PPP3CB: variants seen among roughly 807,000 people sequenced by gnomAD.
PPP3CB encodes serine/threonine-protein phosphatase 2B catalytic subunit beta isoform.
Under a neutral mutation model 66.4 loss-of-function variants are expected in PPP3CB, and 8 were observed. The observed-to-expected ratio is 0.12, with a 90% CI of 0.07 to 0.22. The LOEUF is 0.22. PPP3CB is among the 10% of genes least tolerant of loss of function. The probability of loss-of-function intolerance (pLI) is 1.00; values close to 1 mark genes in which losing one functional copy is unlikely to be tolerated. For missense variants in PPP3CB, 319 were observed against 642.5 expected (o/e 0.50, Z 5.44); for synonymous variants, 208 against 221.2 (o/e 0.94, Z 0.53).
chr10:73,483,640 G>A (rs2056920537), intron 1 of PPP3CB, among the ~76,000 whole-genome samples: 1 of 152,142 alleles, frequency 6.6e-6, no homozygotes, highest in East Asian at 1.9e-4. Flanking sequence ...CTGGGAGACA[G>A]AGCAAGACTC....
intron 1 of PPP3CB, among the ~76,000 whole-genome samples, chr10:73,490,096 A>G (rs2057048256): frequency 6.6e-6 from 1 of 152,190 alleles, no homozygotes; most frequent in African/African-American, 2.4e-5. Flanking sequence ...TGTATCATCA[A>G]TGCCTAGCAC....
intron 10 of PPP3CB, among the ~76,000 whole-genome samples, chr10:73,449,349 G>A (rs2056309313): frequency 6.6e-6 from 1 of 151,026 alleles, no homozygotes; most frequent in Non-Finnish European, 1.5e-5. Context: ...TCTGTCCCCA[G>A]TCCAATCTGG....
intron 11 of PPP3CB, 150 bp downstream of exon 11, chr10:73,446,342 C>T (rs150969015): frequency 4.9e-5 from 34 of 688,376 alleles, no homozygotes; most frequent in African/African-American, 2.7e-4. Context: ...TCAGGTGATC[C>T]GCCCGCCTTG....
chr10:73,487,282 T>A (rs1249683325), intron 1 of PPP3CB, among the ~76,000 whole-genome samples: 1 of 152,012 alleles, frequency 6.6e-6, no homozygotes, highest in African/African-American at 2.4e-5. Context: ...GTGCAGTGGC[T>A]CATGCCTGTA....
rs767114208 is a variant in PPP3CB at position 73,495,775 on chromosome 10, C to T, written c.85+30G>A. 8 of 1,564,702 alleles carry T rather than the reference C, an allele frequency of 5.1e-6. No individual in the cohort carries two copies. The Admixed American group carries it at 8.8e-5, about 17-fold the overall frequency. ...CTCACACACAGCTAGCTCTTCAGGC[C>T]AGGCCCCCAGGGTTTCGTCCACCTC... is the stretch of plus-strand genomic sequence containing the variant. On this transcript the variant is annotated intron_variant, in intron 1 of 13. Coordinates refer to ENST00000360663, the MANE Select transcript of PPP3CB (RefSeq NM_021132.4).
At chr10:73,438,441 A>AT (rs2056099271) in intron 13 of PPP3CB, 21 bp from the exon 14 acceptor site, 1 of 1,566,446 alleles carries the variant, frequency 6.4e-7, no homozygotes, top group African/African-American at 1.4e-5. Flanking sequence ...TGCAAATTTG[A>AT]TAAGTCAGTA....
At chr10:73,460,998 T>C (rs2056512147) in intron 9 of PPP3CB, among the ~76,000 whole-genome samples, 1 of 152,210 alleles carries the variant, frequency 6.6e-6, no homozygotes, top group Non-Finnish European at 1.5e-5. Flanking sequence ...AGGCACTGCC[T>C]AGTGGGGCTG....
At chr10:73,469,035 TG>T (rs920425775) in intron 8 of PPP3CB, among the ~76,000 whole-genome samples, 1 of 152,214 alleles carries the variant, frequency 6.6e-6, no homozygotes, top group Non-Finnish European at 1.5e-5. Context: ...ATCTGATTTT[TG>T]ATAAGACAGT....
intron 10 of PPP3CB, among the ~76,000 whole-genome samples, chr10:73,453,842 T>C (rs1393827068): frequency 1.3e-5 from 2 of 152,262 alleles, no homozygotes; most frequent in Non-Finnish European, 2.9e-5. Context: ...TATTACTTTT[T>C]ACTATAAACA....
intron 12 of PPP3CB, among the ~76,000 whole-genome samples, chr10:73,441,552 T>C (rs79634396): frequency 0.047 from 7,106 of 152,272 alleles, 510 homozygotes; most frequent in African/African-American, 0.15. Context: ...CAACACTCTA[T>C]CTGAAAGGCA....
chr10:73,474,432 A>C (rs964391888), intron 4 of PPP3CB, among the ~76,000 whole-genome samples: 5 of 151,040 alleles, frequency 3.3e-5, no homozygotes, highest in Non-Finnish European at 4.4e-5. Flanking sequence ...GAAATGAAAA[A>C]AAATTTTTTT....
intron 9 of PPP3CB, among the ~76,000 whole-genome samples, chr10:73,462,080 G>A (rs903603913): frequency 2.6e-5 from 4 of 151,384 alleles, no homozygotes; most frequent in African/African-American, 4.9e-5. Flanking sequence ...CCCAAAAGCC[G>A]AGGAGATGCA....
At chr10:73,444,671 A>T in intron 12 of PPP3CB, 54 bp downstream of exon 12, 2 of 1,611,144 alleles carry the variant, frequency 1.2e-6, no homozygotes, top group Non-Finnish European at 1.7e-6. Flanking sequence ...TTAGCAAAAG[A>T]GTGAGGTGTG....
At chr10:73,447,852 C>A (rs189730448) in intron 10 of PPP3CB, among the ~76,000 whole-genome samples, 1 of 151,406 alleles carries the variant, frequency 6.6e-6, no homozygotes, top group African/African-American at 2.4e-5. Flanking sequence ...TGTGTGGGTA[C>A]CTGGGTACCA....
intron 10 of PPP3CB, among the ~76,000 whole-genome samples, chr10:73,453,333 T>A (rs1479877524): frequency 6.6e-6 from 1 of 152,238 alleles, no homozygotes; most frequent in African/African-American, 2.4e-5. Context: ...TACAAATATG[T>A]TTATTTTACT....
At chr10:73,488,768 C>T (rs1224768229) in intron 1 of PPP3CB, among the ~76,000 whole-genome samples, 1 of 152,140 alleles carries the variant, frequency 6.6e-6, no homozygotes, top group Non-Finnish European at 1.5e-5. Context: ...TCCTGGCTTA[C>T]ACCTGTTAAG....
intron 11 of PPP3CB, among the ~76,000 whole-genome samples, chr10:73,446,096 CT>C (rs370319666): frequency 2.4e-3 from 356 of 150,370 alleles, no homozygotes; most frequent in African/African-American, 8.3e-3. Context: ...TTGCTTGTTG[CT>C]TTTTTTCTTT....
chr10:73,471,355 A>G (rs1381620666), intron 5 of PPP3CB, 113 bp downstream of exon 5: 2 of 1,346,330 alleles, frequency 1.5e-6, no homozygotes, highest in Non-Finnish European at 2.0e-6. Flanking sequence ...ATATCAGTAT[A>G]CTAATTTTTA....
intron 8 of PPP3CB, among the ~76,000 whole-genome samples, chr10:73,469,490 C>T (rs1315248372): frequency 2.0e-5 from 3 of 152,072 alleles, no homozygotes; most frequent in African/African-American, 7.2e-5. Context: ...AGCAGTCGGC[C>T]GAGACTGCAC....
Sources: allele counts gnomAD v4.1 joint callset (sites outside exome capture counted in the v4.1 genomes callset), GRCh38; gene constraint gnomAD v4.1.1; transcripts MANE v1.5; gene names NCBI Gene and HGNC (gene_info 2026-07-23, HGNC 2026-07-21).